The following RMDN2 variants were observed in gnomAD, a reference collection of about 807,000 sequenced individuals.
RMDN2 encodes the protein regulator of microtubule dynamics 2.
A neutral mutation model predicts 52.8 loss-of-function variants in RMDN2; 61 were observed. The ratio of observed to expected loss-of-function variants is 1.16; its 90% CI spans 0.94 to 1.43. The LOEUF is 1.43. Among genes scored for constraint, RMDN2 ranks in the 40% most tolerant of loss-of-function variants. The pLI is 0.00. For missense variants in RMDN2, 592 were observed against 475.3 expected (o/e 1.25, Z -2.28); for synonymous variants, 180 against 153.1 (o/e 1.18, Z -1.30).
At chr2:38,061,665 AC>A in intron 10 of RMDN2, among the ~76,000 whole-genome samples, 2 of 152,124 alleles carry the variant, frequency 1.3e-5, no homozygotes, top group South Asian at 2.1e-4. Context: ...ACACACATAT[AC>A]CACTTATAAT....
intron 8 of RMDN2, among the ~76,000 whole-genome samples, chr2:38,002,227 A>G (rs1408741427): frequency 1.3e-5 from 2 of 152,158 alleles, no homozygotes; most frequent in Non-Finnish European, 2.9e-5. Flanking sequence ...AAAAATATAT[A>G]TATTATTTTG....
chr2:38,065,671 T>C (rs1057459417), intron 10 of RMDN2, among the ~76,000 whole-genome samples: 6 of 152,146 alleles, frequency 3.9e-5, no homozygotes, highest in African/African-American at 1.2e-4. Context: ...ACACCAACAC[T>C]TAGGTGATGC....
chr2:38,055,798 A>G (rs1262128835), intron 10 of RMDN2, among the ~76,000 whole-genome samples: 3 of 152,190 alleles, frequency 2.0e-5, no homozygotes, highest in Admixed American at 2.0e-4. Context: ...AATAGATTGC[A>G]TGCCCCTGTC....
chr2:37,973,604 G>GA (rs1000068823), intron 2 of RMDN2, among the ~76,000 whole-genome samples: 1 of 152,158 alleles, frequency 6.6e-6, no homozygotes, highest in African/African-American at 2.4e-5. Flanking sequence ...GAGATGAAGG[G>GA]AATGTGGGGA....
At chr2:37,952,087 G>T in intron 2 of RMDN2, 3 of 1,613,034 alleles carry the variant, frequency 1.9e-6, no homozygotes, top group Admixed American at 1.7e-5. Context: ...AAAAATTCTG[G>T]TTGCTTTATC....
chr2:38,018,760 TA>T, downstream of RMDN2, among the ~76,000 whole-genome samples: 1 of 152,352 alleles, frequency 6.6e-6, no homozygotes, highest in South Asian at 2.1e-4. Context: ...GTGATTTTTT[TA>T]GGTTGAACTT....
chr2:38,000,336 A>G (rs1467702367), intron 8 of RMDN2, among the ~76,000 whole-genome samples: 2 of 152,248 alleles, frequency 1.3e-5, no homozygotes, highest in African/African-American at 2.4e-5. Flanking sequence ...ACCTCTGGGT[A>G]TCTTGAAGTA....
chr2:37,951,376 A>C (rs1008933004), intron 2 of RMDN2: 2 of 1,613,390 alleles, frequency 1.2e-6, no homozygotes, highest in Non-Finnish European at 1.7e-6. Context: ...GTAACACATA[A>C]AGTCAATGCA....
At chr2:37,980,022 A>G (rs13009861) in intron 4 of RMDN2, among the ~76,000 whole-genome samples, 9,019 of 152,220 alleles carry the variant, frequency 0.059, 366 homozygotes, top group Middle Eastern at 0.096. Context: ...ATCTTAATGG[A>G]TAGAACTGTA....
At chr2:37,968,923 A>G (rs372037268) in intron 2 of RMDN2, among the ~76,000 whole-genome samples, 1 of 152,214 alleles carries the variant, frequency 6.6e-6, no homozygotes, top group Non-Finnish European at 1.5e-5. Context: ...TAATGCATGG[A>G]TATGCCCTAT....
chr2:38,045,138 A>G (rs1681194358), intron 10 of RMDN2, among the ~76,000 whole-genome samples: 1 of 152,214 alleles, frequency 6.6e-6, no homozygotes, highest in Non-Finnish European at 1.5e-5. Flanking sequence ...TCTAAATTTC[A>G]TTTGAAAGTG....
In RMDN2 at chr2:37,957,793, T is replaced by A. The variant is rs1438414740; in HGVS notation, c.453-16247T>A. ...ATGGCTTTAGGTTTAATCATTTAAGTCTTTGATCCTTCTTGAGTTGATTTT... is the reference window on the plus strand; with the variant it reads ...ATGGCTTTAGGTTTAATCATTTAAGACTTTGATCCTTCTTGAGTTGATTTT... On this transcript the variant is annotated intron_variant, in intron 2 of 10. Transcript: ENST00000354545. Among the ~76,000 whole-genome samples, 5 of 152,208 alleles carry A rather than the reference T, an allele frequency of 3.3e-5. No homozygotes were observed. The South Asian group carries it at 1.0e-3, about 31-fold the overall frequency.
chr2:38,037,028 T>C (rs1157333862), intron 10 of RMDN2, among the ~76,000 whole-genome samples: 1 of 152,178 alleles, frequency 6.6e-6, no homozygotes, highest in Non-Finnish European at 1.5e-5. Context: ...ATTTATTTCC[T>C]AGAAATTTTG....
chr2:37,988,969 G>A (rs1299808666), intron 5 of RMDN2, among the ~76,000 whole-genome samples: 1 of 152,134 alleles, frequency 6.6e-6, no homozygotes, highest in African/African-American at 2.4e-5. Context: ...AGGGTTGAAG[G>A]AGAAGGGGAA....
intron 2 of RMDN2, among the ~76,000 whole-genome samples, chr2:37,947,450 A>G (rs190137748): frequency 3.3e-5 from 5 of 152,206 alleles, no homozygotes; most frequent in Non-Finnish European, 7.3e-5. Context: ...TAAATTCATT[A>G]AAAAAGCCAT....
At chr2:38,020,351 A>G (rs192243362), downstream of RMDN2, among the ~76,000 whole-genome samples, 22 of 151,950 alleles carry the variant, frequency 1.4e-4, no homozygotes, top group East Asian at 1.4e-3. Context: ...GAGAGGTGAC[A>G]GCATGCTGGC....
At chr2:38,038,629 C>G (rs923331009) in intron 10 of RMDN2, among the ~76,000 whole-genome samples, 3 of 152,230 alleles carry the variant, frequency 2.0e-5, no homozygotes, top group African/African-American at 7.2e-5. Context: ...ACCAACCACT[C>G]ATCATCAACC....
intron 7 of RMDN2, among the ~76,000 whole-genome samples, chr2:37,991,795 CTT>C (rs1219615376): frequency 1.3e-5 from 2 of 152,118 alleles, no homozygotes; most frequent in Non-Finnish European, 2.9e-5. Flanking sequence ...ACACTCCTTG[CTT>C]TTAAGGAACT....
At chr2:38,049,088 A>G (rs905674284) in intron 10 of RMDN2, among the ~76,000 whole-genome samples, 5 of 152,370 alleles carry the variant, frequency 3.3e-5, no homozygotes, top group African/African-American at 1.2e-4. Context: ...TATGGAAAAT[A>G]TAATCCCATT....
Sources: allele counts gnomAD v4.1 joint callset (sites outside exome capture counted in the v4.1 genomes callset), GRCh38; gene constraint gnomAD v4.1.1; transcripts MANE v1.5; gene names NCBI Gene and HGNC (gene_info 2026-07-23, HGNC 2026-07-21).